Variants in ZNF385D observed in about 807,000 individuals in gnomAD.
ZNF385D encodes zinc finger protein 659.
A neutral mutation model predicts 35.8 loss-of-function variants in ZNF385D; 15 were observed. The observed-to-expected ratio is 0.42, with a 90% CI of 0.28 to 0.64. The LOEUF is 0.64. ZNF385D is among the 30% of genes least tolerant of loss of function. The pLI is 0.23. For missense variants in ZNF385D, 474 were observed against 494.6 expected, an observed-to-expected ratio of 0.96 and a Z score of 0.39; for synonymous variants, 212 against 186.8, an observed-to-expected ratio of 1.13 and a Z score of -1.10.
intron 3 of ZNF385D, among the ~76,000 whole-genome samples, chr3:21,813,787 T>C (rs2073034818): frequency 6.6e-6 from 1 of 152,166 alleles, no homozygotes; most frequent in Non-Finnish European, 1.5e-5. Flanking sequence ...TGCAGGATAT[T>C]ATCCAGGAGA....
intron 3 of ZNF385D, among the ~76,000 whole-genome samples, chr3:22,037,856 C>T (rs71312024): frequency 0.068 from 10,314 of 152,140 alleles, 387 homozygotes; most frequent in Middle Eastern, 0.13. Context: ...AACAAAACAG[C>T]ATGGTACTGG....
intron 1 of ZNF385D, among the ~76,000 whole-genome samples, chr3:21,736,904 G>A (rs1172005895): frequency 1.3e-5 from 2 of 152,140 alleles, no homozygotes; most frequent in African/African-American, 2.4e-5. Context: ...GGCAATAAGC[G>A]TAAGGATTAA....
intron 3 of ZNF385D, among the ~76,000 whole-genome samples, chr3:22,113,400 C>A (rs539406300): frequency 1.3e-5 from 2 of 152,126 alleles, no homozygotes; most frequent in East Asian, 3.9e-4. Flanking sequence ...TTTCTCTAAT[C>A]GTTCATTTTT....
chr3:21,686,363 C>T (rs114031043), intron 1 of ZNF385D, among the ~76,000 whole-genome samples: 3,419 of 151,954 alleles, frequency 0.023, 121 homozygotes, highest in African/African-American at 0.078. Context: ...TCCCTAGCCA[C>T]GGAATTGTAA....
At chr3:22,159,120 T>A (rs560764516) in intron 3 of ZNF385D, among the ~76,000 whole-genome samples, 1 of 151,982 alleles carries the variant, frequency 6.6e-6, no homozygotes, top group South Asian at 2.1e-4. Context: ...CTAAACAGAT[T>A]TGAAGTTCAC....
At position 21,436,980 on chromosome 3, in the gene ZNF385D, C is replaced by T. The variant is rs575627325; in HGVS notation, c.663G>A (p.Ala221=). 8 of 1,613,564 alleles carry T rather than the reference C, an allele frequency of 5.0e-6. No individual in the cohort carries two copies. Among genetic ancestry groups the T allele is most frequent in the Middle Eastern group, 1.7e-4 (1 of 6,046 alleles). The part of the protein sequence containing the change: ...VAVNSASQLE[A]HNSGTKHKTM... ...ATCGCTGCATCTCACCACTGTTGTG[C>T]GCCTCCAGCTGCGAGGCAGAGTTGA... Residue 221 remains alanine, a synonymous_variant, in exon 5 of 8, where the codon GCG becomes GCA. Transcript: ENST00000281523.
In ZNF385D at chr3:21,862,855, C is replaced by A. The variant is rs576750793; in HGVS notation, c.326-197827G>T. Among the ~76,000 whole-genome samples, 4 of 152,276 alleles carry A rather than the reference C, an allele frequency of 2.6e-5. No homozygotes were observed. The East Asian group carries it at 7.7e-4, about 29-fold the overall frequency. On this transcript the variant is annotated intron_variant, in intron 3 of 5. Transcript: ENST00000494108. Reference sequence around the variant, plus strand: ...AGACCTAACTTCAAGTCAAACTGAACTGTTAGCTCAGTTACAAGTGGTCTC... The same window carrying A: ...AGACCTAACTTCAAGTCAAACTGAAATGTTAGCTCAGTTACAAGTGGTCTC...
rs189413431 is a variant in ZNF385D, at chr3:22,261,918, T to G, written c.107-92883A>C. 1.9e-3 allele frequency among the ~76,000 whole-genome samples: 291 copies of G among 152,084 alleles called. 3 individuals are homozygous for G. Among genetic ancestry groups the G allele is most frequent in the African/African-American group, 5.9e-3 (247 of 41,530 alleles). ...TCCTATTGATGTATCTTAACCTTTT[T>G]TTGTTGTTGTTGTTGTTAAACTCTC... On this transcript the variant is annotated intron_variant, in intron 2 of 5. Transcript: ENST00000494108.
intron 3 of ZNF385D, among the ~76,000 whole-genome samples, chr3:21,873,861 A>G (rs1281374699): frequency 6.6e-6 from 1 of 151,878 alleles, no homozygotes; most frequent in Admixed American, 6.6e-5. Flanking sequence ...TGTATACCAG[A>G]TTTTCTTTAA....
chr3:22,142,351 G>A (rs966258714), intron 3 of ZNF385D, among the ~76,000 whole-genome samples: 2 of 151,966 alleles, frequency 1.3e-5, no homozygotes, highest in African/African-American at 2.4e-5. Context: ...TGGTTTATTC[G>A]ATATTATCTC....
At chr3:21,602,295 C>T (rs116061359) in intron 2 of ZNF385D, among the ~76,000 whole-genome samples, 2,236 of 152,126 alleles carry the variant, frequency 0.015, 60 homozygotes, top group African/African-American at 0.05. Context: ...CACAGCCAAA[C>T]CATATCAGAA....
chr3:22,246,572 T>C (rs1486492647), intron 2 of ZNF385D, among the ~76,000 whole-genome samples: 3 of 152,184 alleles, frequency 2.0e-5, no homozygotes, highest in African/African-American at 7.2e-5. Flanking sequence ...GCTATAAAAC[T>C]AACTGAAATG....
At chr3:21,672,457 G>T (rs1424883172) in intron 1 of ZNF385D, among the ~76,000 whole-genome samples, 2 of 152,018 alleles carry the variant, frequency 1.3e-5, no homozygotes, top group African/African-American at 4.8e-5. Context: ...ATCCACACAG[G>T]ATGGTGACTG....
chr3:22,226,013 C>G (rs201885991), intron 2 of ZNF385D, among the ~76,000 whole-genome samples: 1 of 152,152 alleles, frequency 6.6e-6, no homozygotes, highest in Non-Finnish European at 1.5e-5. Context: ...GAATTGAAAA[C>G]CCCACCAGCT....
chr3:21,432,272 C>T (rs145019923), intron 5 of ZNF385D, among the ~76,000 whole-genome samples: 1 of 142,608 alleles, frequency 7.0e-6, no homozygotes, highest in African/African-American at 2.6e-5. Context: ...CAATCTTATC[C>T]TTCTTTTTTA....
At chr3:22,034,013 C>T (rs114728533) in intron 3 of ZNF385D, among the ~76,000 whole-genome samples, 2,394 of 152,208 alleles carry the variant, frequency 0.016, 75 homozygotes, top group African/African-American at 0.054. Flanking sequence ...AACGTAAAGT[C>T]CTGCTTTCAG....
At chr3:21,957,909 C>G (rs1028515563) in intron 3 of ZNF385D, among the ~76,000 whole-genome samples, 1 of 152,112 alleles carries the variant, frequency 6.6e-6, no homozygotes, top group Non-Finnish European at 1.5e-5. Flanking sequence ...CTAGTTTCAT[C>G]AATGTACTAA....
At chr3:21,991,385 C>T (rs1317021910) in intron 3 of ZNF385D, among the ~76,000 whole-genome samples, 3 of 152,124 alleles carry the variant, frequency 2.0e-5, no homozygotes, top group African/African-American at 7.2e-5. Flanking sequence ...CACCACAAAG[C>T]CGTGAATTTT....
intron 1 of ZNF385D, among the ~76,000 whole-genome samples, chr3:21,677,799 T>G (rs2066776161): frequency 6.6e-6 from 1 of 152,006 alleles, no homozygotes; most frequent in Non-Finnish European, 1.5e-5. Context: ...CTGTTAGTCC[T>G]TAATAATTTA....
Sources: gnomAD v4.1 joint callset for allele counts (sites outside exome capture counted in the v4.1 genomes callset) on GRCh38, gnomAD v4.1.1 for gene constraint, MANE v1.5 for transcripts, NCBI Gene and HGNC (gene_info 2026-07-23, HGNC 2026-07-21) for gene names.